The following LRRTM4 variants were observed in gnomAD, a reference collection of about 807,000 sequenced individuals.
The protein encoded by LRRTM4 is leucine-rich repeat transmembrane neuronal protein 4.
In LRRTM4, 25 loss-of-function variants were observed where a neutral mutation model predicts 47.6. That is an observed-to-expected ratio of 0.53 (90% CI 0.38 to 0.73). LRRTM4 has a LOEUF of 0.73. Ranked by LOEUF, LRRTM4 falls within the 30% of genes least tolerant of loss-of-function variation. LRRTM4 has a pLI of 0.00. For synonymous variants in LRRTM4, 311 were observed against 269.5 expected (o/e 1.15, Z -1.51); for missense variants, 638 against 713.4 (o/e 0.89, Z 1.20).
chr2:77,182,962 AC>A (rs1224579070), intron 3 of LRRTM4, among the ~76,000 whole-genome samples: 1 of 152,222 alleles, frequency 6.6e-6, no homozygotes. Context: ...TACATGTTAG[AC>A]CTAAAACCAT....
At chr2:77,088,218 C>A (rs954714048) in intron 3 of LRRTM4, among the ~76,000 whole-genome samples, 4 of 152,186 alleles carry the variant, frequency 2.6e-5, no homozygotes, top group Admixed American at 1.3e-4. Flanking sequence ...CCAGGTGGCA[C>A]ATAAATGGGT....
intron 3 of LRRTM4, among the ~76,000 whole-genome samples, chr2:77,069,171 T>A (rs2103821687): frequency 6.6e-6 from 1 of 152,280 alleles, no homozygotes; most frequent in Non-Finnish European, 1.5e-5. Context: ...CCCCTCTATA[T>A]TTCTGTGTGT....
chr2:77,368,005 T>C (rs1672523614), intron 3 of LRRTM4, among the ~76,000 whole-genome samples: 1 of 151,794 alleles, frequency 6.6e-6, no homozygotes, highest in African/African-American at 2.4e-5. Flanking sequence ...CCATTGGACA[T>C]TGTTGTTCTA....
chr2:77,005,038 TG>T (rs1363532164), intron 3 of LRRTM4, among the ~76,000 whole-genome samples: 2 of 152,156 alleles, frequency 1.3e-5, no homozygotes, highest in Admixed American at 6.5e-5. Context: ...GGCTCCTAGA[TG>T]GAAGGGACTT....
chr2:76,811,000 A>G (rs1670716201), intron 3 of LRRTM4, among the ~76,000 whole-genome samples: 1 of 152,166 alleles, frequency 6.6e-6, no homozygotes, highest in South Asian at 2.1e-4. Flanking sequence ...ATTCACTGAA[A>G]ACAAATCAGA....
intron 3 of LRRTM4, among the ~76,000 whole-genome samples, chr2:77,319,751 T>C (rs570108609): frequency 6.6e-5 from 10 of 152,212 alleles, no homozygotes; most frequent in Non-Finnish European, 1.2e-4. Flanking sequence ...TAAGGACACC[T>C]ACATTTTGAA....
intron 3 of LRRTM4, among the ~76,000 whole-genome samples, chr2:77,433,764 A>G (rs749087949): frequency 3.9e-4 from 60 of 152,196 alleles, no homozygotes; most frequent in Non-Finnish European, 7.6e-4. Flanking sequence ...ACAGGAGTGG[A>G]AGGAAAATTC....
At chr2:77,251,716 G>T (rs2104015734) in intron 3 of LRRTM4, among the ~76,000 whole-genome samples, 1 of 152,266 alleles carries the variant, frequency 6.6e-6, no homozygotes, top group Non-Finnish European at 1.5e-5. Flanking sequence ...ATTTGAGCCA[G>T]AACTACTTAG....
intron 3 of LRRTM4, among the ~76,000 whole-genome samples, chr2:76,866,268 G>T (rs1672464890): frequency 1.3e-5 from 2 of 152,100 alleles, no homozygotes; most frequent in South Asian, 2.1e-4. Context: ...CTTTCACTGG[G>T]GAACGATCTC....
chr2:77,218,646 T>A (rs1488056611), intron 3 of LRRTM4, among the ~76,000 whole-genome samples: 2 of 152,102 alleles, frequency 1.3e-5, no homozygotes, highest in African/African-American at 4.8e-5. Context: ...TCTCAAATAT[T>A]TGAAAACACA....
At chr2:77,030,909 G>C (rs1375928547) in intron 3 of LRRTM4, among the ~76,000 whole-genome samples, 1 of 152,128 alleles carries the variant, frequency 6.6e-6, no homozygotes, top group Non-Finnish European at 1.5e-5. Context: ...ACACTCTTCA[G>C]GTTCTAATAT....
chr2:77,133,918 T>C (rs556128499), intron 3 of LRRTM4, among the ~76,000 whole-genome samples: 2 of 152,280 alleles, frequency 1.3e-5, no homozygotes, highest in Admixed American at 1.3e-4. Flanking sequence ...TTATAAACCA[T>C]TCATTATTCG....
intron 3 of LRRTM4, among the ~76,000 whole-genome samples, chr2:77,066,787 C>T (rs970303686): frequency 2.6e-5 from 4 of 152,136 alleles, no homozygotes; most frequent in African/African-American, 9.7e-5. Context: ...TTTTATAAAA[C>T]AGAAATTAAA....
chr2:77,162,335 G>A (rs879076773), intron 3 of LRRTM4, among the ~76,000 whole-genome samples: 2 of 152,162 alleles, frequency 1.3e-5, no homozygotes, highest in South Asian at 4.1e-4. Flanking sequence ...TCTCGAATTG[G>A]GTGGAGCCCA....
chr2:77,304,654 A>T (rs1435360703), intron 3 of LRRTM4, among the ~76,000 whole-genome samples: 1 of 152,168 alleles, frequency 6.6e-6, no homozygotes, highest in Non-Finnish European at 1.5e-5. Flanking sequence ...CTAATGCCCC[A>T]ATAGCTAATA....
At chr2:77,025,426 G>C (rs1406004125) in intron 3 of LRRTM4, among the ~76,000 whole-genome samples, 1 of 152,118 alleles carries the variant, frequency 6.6e-6, no homozygotes, top group Non-Finnish European at 1.5e-5. Context: ...GAGAATTCTT[G>C]TCCCTGCTCC....
chr2:76,781,176 T>C (rs1210529117), intron 3 of LRRTM4, among the ~76,000 whole-genome samples: 3 of 152,370 alleles, frequency 2.0e-5, no homozygotes, highest in Admixed American at 1.3e-4. Context: ...CAGGGACATT[T>C]AAGTCTGCAG....
At chr2:77,068,256 G>C (rs956835009) in intron 3 of LRRTM4, among the ~76,000 whole-genome samples, 6 of 152,070 alleles carry the variant, frequency 3.9e-5, no homozygotes, top group African/African-American at 1.4e-4. Flanking sequence ...CTAGAAACTT[G>C]TAAGTTGTTT....
In LRRTM4 at chr2:76,748,508, G is replaced by A; in HGVS notation, c.*187C>T. On this transcript the variant is annotated 3_prime_UTR_variant, in exon 4 of 4. Coordinates refer to ENST00000409884, the MANE Select transcript of LRRTM4 (RefSeq NM_001134745.3). The stretch of plus-strand genomic sequence containing the variant: ...AAAGTTCTGCAGTCCTCCCGGTAAT[G>A]CTGCAGGTGCATTCGCTGCCCTCTT... 1 of 591,226 alleles carries A rather than the reference G, an allele frequency of 1.7e-6. No homozygotes were observed. The highest frequency in any genetic ancestry group is 3.0e-6 in the Non-Finnish European group (1 of 333,782). 36.6% of individuals were successfully genotyped at this position (591,226 alleles called of 1,614,324 possible).
Sources: allele counts gnomAD v4.1 joint callset (sites outside exome capture counted in the v4.1 genomes callset), GRCh38; gene constraint gnomAD v4.1.1; transcripts MANE v1.5; gene names NCBI Gene and HGNC (gene_info 2026-07-23, HGNC 2026-07-21).